The following DLGAP1 variants were observed in gnomAD, a reference collection of about 807,000 sequenced individuals.
DLGAP1 encodes disks large-associated protein 1.
In DLGAP1, 11 loss-of-function variants were observed where a neutral mutation model predicts 90.8. The ratio of observed to expected loss-of-function variants is 0.12; its 90% CI spans 0.08 to 0.20. DLGAP1 has a LOEUF of 0.20. Ranked by LOEUF, DLGAP1 falls within the 10% of genes least tolerant of loss-of-function variation. The pLI is 1.00. For synonymous variants in DLGAP1, 558 were observed against 540.7 expected (o/e 1.03, Z -0.44); for missense variants, 1,050 against 1,333.8 (o/e 0.79, Z 3.31).
chr18:4,387,411 T>G (rs985531017), intron 1 of DLGAP1, among the ~76,000 whole-genome samples: 2 of 152,228 alleles, frequency 1.3e-5, no homozygotes, highest in Non-Finnish European at 2.9e-5. Flanking sequence ...TTTTAAAATG[T>G]TATTATAAGT....
rs553192196 is a variant in DLGAP1, at chr18:4,167,406, G to C, written c.-266-16119C>G. On this transcript the variant is annotated intron_variant, in intron 1 of 12. Coordinates refer to ENST00000315677, the MANE Select transcript of DLGAP1 (RefSeq NM_004746.4). ...CATCAGAACAAGAGAAATTACTAGA[G>C]AAAGAGAGGGACATATCACAATATA... is the stretch of plus-strand genomic sequence containing the variant. 6.6e-5 allele frequency among the ~76,000 whole-genome samples: 10 copies of C among 152,214 alleles called. No individual in the cohort carries two copies. In the East Asian group the frequency reaches 7.7e-4, roughly 12 times the overall value.
At chr18:3,837,639 G>A (rs547027638) in intron 4 of DLGAP1, among the ~76,000 whole-genome samples, 4 of 151,934 alleles carry the variant, frequency 2.6e-5, no homozygotes, top group African/African-American at 4.8e-5. Context: ...GCCTGAGCTC[G>A]GGAGTTTGAG....
chr18:3,981,366 CTCT>C (rs2073724659), intron 3 of DLGAP1, among the ~76,000 whole-genome samples: 1 of 152,262 alleles, frequency 6.6e-6, no homozygotes, highest in African/African-American at 2.4e-5. Context: ...TGATGCTGCA[CTCT>C]TGAGGCTTCC....
chr18:3,734,979 T>C (rs2062581625), intron 6 of DLGAP1, among the ~76,000 whole-genome samples: 2 of 152,174 alleles, frequency 1.3e-5, no homozygotes, highest in Admixed American at 1.3e-4. Flanking sequence ...ACCACAATAC[T>C]ATCTATATAT....
At position 4,263,214 on chromosome 18, in the gene DLGAP1, G is replaced by A. The variant is rs538900357; in HGVS notation, c.-266-111927C>T. On this transcript the variant is annotated intron_variant, in intron 1 of 12. Coordinates refer to ENST00000315677, the MANE Select transcript of DLGAP1 (RefSeq NM_004746.4). ...CTCAAAGTGTTGGGATTACAGGTGT[G>A]AGGCACCGTACCGGGCCTGCCTTCT... 2.0e-3 allele frequency among the ~76,000 whole-genome samples: 299 copies of A among 152,300 alleles called. 1 individual carries two copies. The highest frequency in any genetic ancestry group is 6.8e-3 in the Middle Eastern group (2 of 294).
intron 3 of DLGAP1, among the ~76,000 whole-genome samples, chr18:3,966,530 G>A (rs2073335962): frequency 6.6e-6 from 1 of 151,242 alleles, no homozygotes; most frequent in Non-Finnish European, 1.5e-5. Context: ...TGCAGAAGAT[G>A]AGATACTAAA....
intron 1 of DLGAP1, chr18:4,264,507 C>T (rs2079065002): frequency 6.6e-6 from 1 of 152,218 alleles, no homozygotes. Context: ...CTTCACTGAC[C>T]TTCAACTCTA....
At chr18:4,333,999 G>A (rs2081012639) in intron 1 of DLGAP1, among the ~76,000 whole-genome samples, 1 of 151,554 alleles carries the variant, frequency 6.6e-6, no homozygotes, top group Non-Finnish European at 1.5e-5. Context: ...AGCACTTTGG[G>A]AGGCTAGGGC....
intron 2 of DLGAP1, among the ~76,000 whole-genome samples, chr18:4,013,397 G>T (rs1008694060): frequency 6.6e-6 from 1 of 152,200 alleles, no homozygotes. Context: ...GTAAGTGAAG[G>T]AGCTGGACCC....
At chr18:3,871,073 G>A (rs1187158584) in intron 4 of DLGAP1, among the ~76,000 whole-genome samples, 2 of 152,220 alleles carry the variant, frequency 1.3e-5, no homozygotes, top group African/African-American at 2.4e-5. Context: ...TTAAAAGGAT[G>A]TTATGAGAAT....
intron 3 of DLGAP1, among the ~76,000 whole-genome samples, chr18:3,994,115 C>T (rs2074022045): frequency 6.6e-6 from 1 of 152,094 alleles, no homozygotes; most frequent in Admixed American, 6.5e-5. Flanking sequence ...TTTCCTAGGC[C>T]ACCTTCCCCA....
At chr18:3,774,132 T>G (rs2064828961) in intron 5 of DLGAP1, 1 of 152,064 alleles carries the variant, frequency 6.6e-6, no homozygotes, top group Non-Finnish European at 1.5e-5. Context: ...CTTAAGCTGT[T>G]CCAGTAACTC....
intron 1 of DLGAP1, among the ~76,000 whole-genome samples, chr18:4,416,431 T>G (rs2082901450): frequency 6.6e-6 from 1 of 152,188 alleles, no homozygotes; most frequent in African/African-American, 2.4e-5. Context: ...AATAAAGGAA[T>G]TACAGGTTGA....
intron 1 of DLGAP1, among the ~76,000 whole-genome samples, chr18:4,353,680 A>C (rs1457263669): frequency 6.6e-6 from 1 of 151,216 alleles, no homozygotes; most frequent in Non-Finnish European, 1.5e-5. Context: ...TGTTATATTT[A>C]AATATATATG....
intron 7 of DLGAP1, among the ~76,000 whole-genome samples, chr18:3,664,201 CA>C (rs2059789614): frequency 7.2e-6 from 1 of 138,504 alleles, no homozygotes; most frequent in Non-Finnish European, 1.5e-5. Flanking sequence ...CACACACACA[CA>C]CACACACACA....
intron 4 of DLGAP1, among the ~76,000 whole-genome samples, chr18:3,821,470 G>A (rs79662793): frequency 0.015 from 2,281 of 151,972 alleles, 66 homozygotes; most frequent in African/African-American, 0.051. Flanking sequence ...TGGGGTGCAC[G>A]CTCCCACTCA....
intron 2 of DLGAP1, among the ~76,000 whole-genome samples, chr18:4,100,572 A>G (rs2075764251): frequency 6.6e-6 from 1 of 152,220 alleles, no homozygotes; most frequent in African/African-American, 2.4e-5. Flanking sequence ...GCCCCTAACA[A>G]GAGAGTCAGC....
intron 2 of DLGAP1, among the ~76,000 whole-genome samples, chr18:4,142,165 T>C (rs1228642702): frequency 2.0e-5 from 3 of 152,198 alleles, no homozygotes; most frequent in Non-Finnish European, 4.4e-5. Context: ...ATTCTTACCA[T>C]TTAAACAAAT....
intron 3 of DLGAP1, among the ~76,000 whole-genome samples, chr18:3,992,606 A>G (rs1159528657): frequency 1.3e-5 from 2 of 152,150 alleles, no homozygotes; most frequent in African/African-American, 2.4e-5. Flanking sequence ...TGAGCCTGAG[A>G]GGCAGAGGCT....
Sources: gnomAD v4.1 joint callset for allele counts (sites outside exome capture counted in the v4.1 genomes callset) on GRCh38, gnomAD v4.1.1 for gene constraint, MANE v1.5 for transcripts, NCBI Gene and HGNC (gene_info 2026-07-23, HGNC 2026-07-21) for gene names.